GNB1L: variants seen among roughly 807,000 people sequenced by gnomAD.
GNB1L encodes the protein guanine nucleotide-binding protein subunit beta-like protein 1.
In GNB1L, 20 loss-of-function variants were observed where a neutral mutation model predicts 29.1. The observed-to-expected ratio is 0.69, with a 90% confidence interval of 0.48 to 1.00. The LOEUF (loss-of-function observed/expected upper bound fraction) is 1.00, where lower values mean the gene tolerates loss of function less well. GNB1L is among the 50% of genes least tolerant of loss of function. The pLI, the probability that GNB1L is intolerant of heterozygous loss-of-function variation, is 0.00. For missense variants in GNB1L, 421 were observed against 464.9 expected, an observed-to-expected ratio of 0.91 and a Z score of 0.87; for synonymous variants, 193 against 206.5, an observed-to-expected ratio of 0.93 and a Z score of 0.56.
chr22:19,851,916 G>T (rs745483692), intron 2 of GNB1L: 1 of 1,614,108 alleles, frequency 6.2e-7, no homozygotes. Flanking sequence ...GCCAAGAAGC[G>T]GTCCAGTAGC....
At position 19,788,326 on chromosome 22, in the gene GNB1L, G is replaced by A; in HGVS notation, c.*383C>T. On this transcript the variant is annotated 3_prime_UTR_variant, in exon 8 of 8. Coordinates refer to ENST00000329517, the MANE Select transcript of GNB1L (RefSeq NM_053004.3). The stretch of plus-strand genomic sequence containing the variant: ...CAACAGCAGGTGTGAGGGTGGGGCT[G>A]AGCATCCTGCCTGGTGGGGGTCTGA... 5.5e-6 allele frequency: 3 copies of A among 550,108 alleles called. No homozygotes were observed. The highest frequency in any genetic ancestry group is 2.4e-5 in the South Asian group (1 of 42,380). 34.1% of individuals were successfully genotyped at this position (550,108 alleles called of 1,614,324 possible). A position where few individuals can be genotyped will look rare whatever the true frequency, so the allele number is the denominator to read the frequency against.
rs1937167420 is a variant in GNB1L, at chr22:19,783,956, T to C, written c.*4753A>G. 1 of 152,328 alleles carries C rather than the reference T, an allele frequency of 6.6e-6. No individual in the cohort carries two copies. Among genetic ancestry groups the C allele is most frequent in the South Asian group, 2.1e-4 (1 of 4,828 alleles). The allele number at this position is 152,328 out of a possible 1,614,324, so 9.4% of individuals were successfully genotyped here. On this transcript the variant is annotated 3_prime_UTR_variant, in exon 8 of 8. Transcript: ENST00000329517. Reference sequence around the variant, plus strand: ...GGAATGGGGATGCTGGCAAATCTGGTATGAAGGTTGAGACCCCGAGGAGAG... The same window carrying C: ...GGAATGGGGATGCTGGCAAATCTGGCATGAAGGTTGAGACCCCGAGGAGAG...
At chr22:19,803,735 C>T (rs967938831) in intron 6 of GNB1L, among the ~76,000 whole-genome samples, 3 of 146,042 alleles carry the variant, frequency 2.1e-5, no homozygotes, top group South Asian at 2.4e-4. Flanking sequence ...GCGAGAGCAG[C>T]GGGGAACACT....
intron 2 of GNB1L, chr22:19,852,302 T>G (rs1938127447): frequency 6.4e-7 from 1 of 1,565,858 alleles, no homozygotes; most frequent in African/African-American, 1.4e-5. Context: ...CCAGCACTGG[T>G]GGGTGGTGGG....
At chr22:19,812,748 C>T (rs1464632597) in intron 4 of GNB1L, among the ~76,000 whole-genome samples, 2 of 152,212 alleles carry the variant, frequency 1.3e-5, no homozygotes, top group African/African-American at 4.8e-5. Flanking sequence ...GCACAGAGAG[C>T]AAACTTCACT....
At chr22:19,843,777 T>C (rs1257456215) in intron 2 of GNB1L, among the ~76,000 whole-genome samples, 5 of 152,162 alleles carry the variant, frequency 3.3e-5, no homozygotes, top group African/African-American at 7.2e-5. Flanking sequence ...ACGATTTCCA[T>C]AGTGGAGATG....
intron 7 of GNB1L, chr22:19,792,468 C>A: frequency 6.3e-7 from 1 of 1,580,512 alleles, no homozygotes; most frequent in Admixed American, 1.7e-5. Flanking sequence ...GAAATGGCCC[C>A]GCTATATCAG....
At chr22:19,795,554 C>T (rs924297488) in intron 7 of GNB1L, among the ~76,000 whole-genome samples, 4 of 152,158 alleles carry the variant, frequency 2.6e-5, no homozygotes, top group East Asian at 1.9e-4. Flanking sequence ...AATTGCACTG[C>T]GTGCATTCAC....
At chr22:19,801,921 T>C (rs1184568602) in intron 7 of GNB1L, 80 bp downstream of exon 7, 17 of 1,203,460 alleles carry the variant, frequency 1.4e-5, no homozygotes, top group East Asian at 2.6e-5. Flanking sequence ...CAACTCCTCT[T>C]CATGCCTAAA....
At position 19,785,734 on chromosome 22, in the gene GNB1L, T is replaced by C. The variant is rs1483537294; in HGVS notation, c.*2975A>G. The C allele has an allele frequency of 2.6e-5, 4 of 152,314 alleles. No homozygotes were observed. The highest frequency in any genetic ancestry group is 9.6e-5 in the African/African-American group (4 of 41,474). 9.4% of individuals were successfully genotyped at this position (152,314 alleles called of 1,614,324 possible). A position where few individuals can be genotyped will look rare whatever the true frequency, so the allele number is the denominator to read the frequency against. ...CACTTAATGCCTTCACTGCTGGCTC[T>C]GTTGGCGTTCCTGCCAGCCTACAGG... On this transcript the variant is annotated 3_prime_UTR_variant, in exon 8 of 8. Transcript: ENST00000329517. This position sits in a 1 kb window ranked among gnomAD's most constrained non-coding sequence, Gnocchi z 4.1.
rs569239998 is a variant in GNB1L, at chr22:19,847,274, C to T, written c.-21+7169G>A. On this transcript the variant is annotated intron_variant, in intron 2 of 7. Coordinates refer to ENST00000329517, the MANE Select transcript of GNB1L (RefSeq NM_053004.3). ...TAAGCAGTGCCAACTGTAGCCGCTG[C>T]GCTGTTGGAGATCTTTGTTACTGCA... is the stretch of plus-strand genomic sequence containing the variant. 7.1e-5 allele frequency: 70 copies of T among 984,560 alleles called. No individual in the cohort carries two copies. In the East Asian group the frequency reaches 1.5e-3, roughly 21 times the overall value. 61.0% of individuals were successfully genotyped at this position (984,560 alleles called of 1,614,324 possible). A position where few individuals can be genotyped will look rare whatever the true frequency, so the allele number is the denominator to read the frequency against.
intron 2 of GNB1L, among the ~76,000 whole-genome samples, chr22:19,839,378 T>C (rs539408605): frequency 1.3e-5 from 2 of 152,236 alleles, no homozygotes; most frequent in African/African-American, 4.8e-5. Context: ...CCTAAAACCA[T>C]GAATAGTTCT....
Position 19,812,955 on chromosome 22 carries a change from G to T in GNB1L, c.255-508C>A, listed in dbSNP as rs56341080. Among the ~76,000 whole-genome samples the T allele has an allele frequency of 2.0e-4, 30 of 152,358 alleles. 1 individual carries two copies. The highest frequency in any genetic ancestry group is 6.3e-4 in the African/African-American group (26 of 41,578). On this transcript the variant is annotated intron_variant, in intron 4 of 7. Transcript: ENST00000329517. ...GTGGGTGAATTAGTTTCTCAGAGGGGTGCAGGTTACAGTTCTGAATCCTCT... is the reference window on the plus strand; with the variant it reads ...GTGGGTGAATTAGTTTCTCAGAGGGTTGCAGGTTACAGTTCTGAATCCTCT...
rs913911338 is a variant in GNB1L at position 19,816,113 on chromosome 22, C to T, written c.255-3666G>A. On this transcript the variant is annotated intron_variant, in intron 4 of 7. Coordinates refer to ENST00000329517, the MANE Select transcript of GNB1L (RefSeq NM_053004.3). This position sits in a 1 kb window ranked among gnomAD's most constrained non-coding sequence, Gnocchi z 4.4. ...GCCTGTGTGGGGCCTCGCGGGGCCC[C>T]GGCTGCCTCTGCCCCCTGCATGGCC... 2.0e-5 allele frequency among the ~76,000 whole-genome samples: 3 copies of T among 152,130 alleles called. No individual in the cohort carries two copies. The highest frequency in any genetic ancestry group is 2.9e-5 in the Non-Finnish European group (2 of 68,008).
chr22:19,849,202 T>C (rs549476561), intron 2 of GNB1L: 4 of 985,414 alleles, frequency 4.1e-6, no homozygotes, highest in African/African-American at 1.7e-5. Context: ...TTTCTAAAAA[T>C]AGCTTCCCAC....
intron 2 of GNB1L, among the ~76,000 whole-genome samples, chr22:19,840,447 G>A (rs1239191100): frequency 6.6e-6 from 1 of 152,146 alleles, no homozygotes; most frequent in African/African-American, 2.4e-5. Flanking sequence ...TACCACCTCC[G>A]CCAGGTGATG....
Position 19,820,598 on chromosome 22 carries a change from C to G in GNB1L, c.254G>C (p.Ser85Thr), listed in dbSNP as rs761247710. 4 of 1,611,650 alleles carry G rather than the reference C, an allele frequency of 2.5e-6. No homozygotes were observed. ...TGGCTCCTGCACCTTGGAGACCCAC[C>G]TGAGGAGCTGGCGCCCCTGGGGCAG... ...QTLPQGRQLL[S>T]QGRDLKLCLW... The change falls in exon 4 of 8, where the codon AGT becomes ACT. Residue 85 changes from serine (S) to threonine (T), a missense_variant and splice_region_variant. By Grantham distance (58) the Ser-to-Thr change is moderately conservative. Transcript: ENST00000329517.
At chr22:19,853,235 T>C (rs185600136) in intron 2 of GNB1L, among the ~76,000 whole-genome samples, 4 of 150,546 alleles carry the variant, frequency 2.7e-5, no homozygotes, top group Non-Finnish European at 4.4e-5. Context: ...GCCCCCACCA[T>C]TGTAAAATCC....
chr22:19,840,919 C>A (rs1043708321), intron 2 of GNB1L, among the ~76,000 whole-genome samples: 6 of 152,200 alleles, frequency 3.9e-5, no homozygotes, highest in Non-Finnish European at 8.8e-5. Flanking sequence ...GAGAAGAACA[C>A]AACAAATCCC....
Sources: allele counts gnomAD v4.1 joint callset (sites outside exome capture counted in the v4.1 genomes callset), GRCh38; gene constraint gnomAD v4.1.1; non-coding constraint Gnocchi (gnomAD v3.1); transcripts MANE v1.5; gene names NCBI Gene and HGNC (gene_info 2026-07-23, HGNC 2026-07-21).